Variants in UTRN observed in about 807,000 individuals in gnomAD.
UTRN encodes the protein utrophin.
A neutral mutation model predicts 463.9 loss-of-function variants in UTRN; 283 were observed. That is an observed-to-expected ratio of 0.61 (90% CI 0.55 to 0.67). The LOEUF is 0.67. UTRN is among the 30% of genes least tolerant of loss of function. The pLI is 0.00. For missense variants in UTRN, 3,922 were observed against 4,084.3 expected (o/e 0.96, Z 1.08); for synonymous variants, 1,442 against 1,431.5 (o/e 1.01, Z -0.17).
intron 51 of UTRN, among the ~76,000 whole-genome samples, chr6:144,622,653 T>C (rs1198717380): frequency 6.6e-6 from 1 of 152,250 alleles, no homozygotes; most frequent in East Asian, 1.9e-4. Context: ...ACAAGAATGT[T>C]AGAAATCATC....
At chr6:144,340,467 C>T (rs547495992) in intron 2 of UTRN, among the ~76,000 whole-genome samples, 2 of 152,302 alleles carry the variant, frequency 1.3e-5, no homozygotes, top group African/African-American at 4.8e-5. Flanking sequence ...ATATTTCCTC[C>T]GTGGAGAGAG....
chr6:144,835,825 A>T lies in UTRN; in HGVS notation c.9711A>T (p.Gly3237=), dbSNP rs772935846. The part of the protein sequence containing the change: ...ALIQQYCQTL[G]GESPVSQPQS... Reference sequence around the variant, plus strand: ...TCCAGCAGTATTGCCAAACACTCGGAGGAGAGTCCCCAGTGAGCCAGCCGC... The same window carrying T: ...TCCAGCAGTATTGCCAAACACTCGGTGGAGAGTCCCCAGTGAGCCAGCCGC... Residue 3237 remains glycine (G), a synonymous_variant, in exon 70 of 75, where the codon GGA becomes GGT. Coordinates refer to ENST00000367545, the MANE Select transcript of UTRN (RefSeq NM_007124.3). 67 of 1,613,988 alleles carry T rather than the reference A, an allele frequency of 4.2e-5. No homozygotes were observed. The highest frequency in any genetic ancestry group is 5.6e-5 in the Non-Finnish European group (66 of 1,179,994).
intron 2 of UTRN, among the ~76,000 whole-genome samples, chr6:144,382,723 G>A (rs750880291): frequency 6.6e-6 from 1 of 152,172 alleles, no homozygotes; most frequent in Non-Finnish European, 1.5e-5. Context: ...TAAGGCTGTT[G>A]GGATCAAATG....
At chr6:144,727,719 C>A (rs766019300) in intron 53 of UTRN, among the ~76,000 whole-genome samples, 1 of 152,168 alleles carries the variant, frequency 6.6e-6, no homozygotes, top group South Asian at 2.1e-4. Flanking sequence ...GAGCTGAGAT[C>A]GCACCACTGC....
chr6:144,344,362 T>G, intron 2 of UTRN: 1 of 1,302,742 alleles, frequency 7.7e-7, no homozygotes, highest in Non-Finnish European at 1.0e-6. Context: ...GAAACGTCTA[T>G]GAAGACAGGG....
chr6:144,298,668 C>A (rs1247614429), intron 2 of UTRN, among the ~76,000 whole-genome samples: 1 of 152,158 alleles, frequency 6.6e-6, no homozygotes, highest in Non-Finnish European at 1.5e-5. Flanking sequence ...TGAATATTTT[C>A]GAATGAGCCT....
chr6:144,360,347 A>G (rs1778972282), intron 2 of UTRN, among the ~76,000 whole-genome samples: 1 of 151,670 alleles, frequency 6.6e-6, no homozygotes, highest in Non-Finnish European at 1.5e-5. Flanking sequence ...GAATTTTTAT[A>G]TTTTTAGTAG....
intron 3 of UTRN, among the ~76,000 whole-genome samples, chr6:144,411,162 G>A (rs1026860024): frequency 6.6e-6 from 1 of 152,192 alleles, no homozygotes; most frequent in Non-Finnish European, 1.5e-5. Context: ...TTCCATAGTG[G>A]TTGTACTAGT....
At chr6:144,510,337 A>G (rs1037894478) in intron 34 of UTRN, among the ~76,000 whole-genome samples, 2 of 152,178 alleles carry the variant, frequency 1.3e-5, no homozygotes, top group Non-Finnish European at 2.9e-5. Context: ...CATCCAGAGT[A>G]TTATCTTTGC....
At chr6:144,719,153 T>C (rs1358400703) in intron 53 of UTRN, among the ~76,000 whole-genome samples, 4 of 152,358 alleles carry the variant, frequency 2.6e-5, no homozygotes, top group Admixed American at 2.6e-4. Context: ...TTTTCCTTCC[T>C]TGATCCCCTT....
In UTRN at chr6:144,479,917, T is replaced by A; in HGVS notation, c.3442T>A (p.Tyr1148Asn). Residue 1148 changes from tyrosine to asparagine, a missense_variant, in exon 26 of 75, where the codon TAT becomes AAT. Physicochemically the swap from Tyr to Asn is moderately radical, Grantham distance 143 (BLOSUM62 -2). Coordinates refer to ENST00000367545, the MANE Select transcript of UTRN (RefSeq NM_007124.3). ...QEWMTQAEEE[Y>N]LERDFEYKSP... ...ATGGATGACCCAGGCCGAGGAAGAA[T>A]ATTTGGAGCGGGATTTTGAGTACAA... The A allele has an allele frequency of 6.2e-7, 1 of 1,614,000 alleles. No homozygotes were observed.
At chr6:144,394,555 C>T (rs1050915233) in intron 2 of UTRN, among the ~76,000 whole-genome samples, 3 of 152,064 alleles carry the variant, frequency 2.0e-5, no homozygotes, top group Non-Finnish European at 4.4e-5. Context: ...TATTCTCTCA[C>T]AATATATTTT....
intron 2 of UTRN, among the ~76,000 whole-genome samples, chr6:144,368,151 C>T (rs1485436055): frequency 6.6e-6 from 1 of 152,128 alleles, no homozygotes; most frequent in Non-Finnish European, 1.5e-5. Context: ...TTGCTACTTT[C>T]CCTTTTCATG....
At chr6:144,697,563 A>G (rs1784148659) in intron 52 of UTRN, among the ~76,000 whole-genome samples, 1 of 152,188 alleles carries the variant, frequency 6.6e-6, no homozygotes, top group Non-Finnish European at 1.5e-5. Flanking sequence ...TCCACTAAAC[A>G]CATAGTTATA....
intron 58 of UTRN, among the ~76,000 whole-genome samples, chr6:144,760,414 A>G (rs117742278): frequency 0.015 from 2,240 of 152,278 alleles, 29 homozygotes; most frequent in Non-Finnish European, 0.024. Flanking sequence ...AAAAGATCAG[A>G]TTGTTTAAAA....
intron 51 of UTRN, among the ~76,000 whole-genome samples, chr6:144,642,425 C>T (rs1040560252): frequency 1.3e-5 from 2 of 152,082 alleles, no homozygotes; most frequent in African/African-American, 4.8e-5. Flanking sequence ...TAACTCTAAT[C>T]CCAAGAGGCA....
rs182202837 is a variant in UTRN, at chr6:144,743,727, G to A, written c.7940-4519G>A. Among the ~76,000 whole-genome samples, 425 of 152,228 alleles carry A rather than the reference G, an allele frequency of 2.8e-3. 1 individual carries two copies. The highest frequency in any genetic ancestry group is 9.6e-3 in the African/African-American group (400 of 41,550). On this transcript the variant is annotated intron_variant, in intron 54 of 74. Transcript: ENST00000367545. ...CTTCTTCCTCATGGTATAAAGGAGAGCGTGGCATAAATGCTGTGCCACTAA... is the reference window on the plus strand; with the variant it reads ...CTTCTTCCTCATGGTATAAAGGAGAACGTGGCATAAATGCTGTGCCACTAA...
chr6:144,498,561 A>G (rs1290696394), intron 33 of UTRN, among the ~76,000 whole-genome samples: 1 of 152,190 alleles, frequency 6.6e-6, no homozygotes, highest in Non-Finnish European at 1.5e-5. Flanking sequence ...AGAGGATTCT[A>G]AGATATCTTA....
intron 52 of UTRN, among the ~76,000 whole-genome samples, chr6:144,681,682 C>A (rs905040139): frequency 1.3e-5 from 2 of 151,810 alleles, no homozygotes; most frequent in African/African-American, 4.8e-5. Flanking sequence ...AGGAACTCAT[C>A]TGTGAAGGGA....
Sources: gnomAD v4.1 joint callset for allele counts (sites outside exome capture counted in the v4.1 genomes callset) on GRCh38, gnomAD v4.1.1 for gene constraint, MANE v1.5 for transcripts, NCBI Gene and HGNC (gene_info 2026-07-23, HGNC 2026-07-21) for gene names.